Variants in ACSS1 observed in about 807,000 individuals in gnomAD.
The protein encoded by ACSS1 is acetyl-coenzyme A synthetase 2-like, mitochondrial.
A neutral mutation model predicts 75.3 loss-of-function variants in ACSS1; 42 were observed. The observed-to-expected ratio is 0.56, with a 90% confidence interval of 0.44 to 0.72. ACSS1 has a LOEUF of 0.72. Ranked by LOEUF, ACSS1 falls within the 30% of genes least tolerant of loss-of-function variation. The pLI, the probability that ACSS1 is intolerant of heterozygous loss-of-function variation, is 0.00. For synonymous variants in ACSS1, 380 were observed against 376.8 expected (o/e 1.01, Z -0.10); for missense variants, 782 against 935.7 (o/e 0.84, Z 2.14).
chr20:25,048,002 G>T, intron 2 of ACSS1, 83 bp downstream of exon 2: 1 of 1,249,086 alleles, frequency 8.0e-7, no homozygotes, highest in East Asian at 2.4e-5. Flanking sequence ...AGACTCAGAC[G>T]GCCCCTCCCT....
chr20:25,033,443 T>C (rs911054429), intron 2 of ACSS1, among the ~76,000 whole-genome samples: 4 of 152,158 alleles, frequency 2.6e-5, no homozygotes, highest in Admixed American at 2.6e-4. Flanking sequence ...TGTACAGCTG[T>C]CACAAGTATT....
intron 1 of ACSS1, among the ~76,000 whole-genome samples, chr20:25,051,662 G>A (rs2089176731): frequency 6.6e-6 from 1 of 152,202 alleles, no homozygotes. Context: ...TTTCTATGCA[G>A]ATGCAAGATT....
rs1212329188 is a variant in ACSS1, at chr20:25,012,661, C to A, written c.1711G>T (p.Asp571Tyr). ...GTAEIEDAIA[D>Y]HPAVPESAVI... ...GCACTTTCTGGTACTGCAGGGTGGT[C>A]GGCCTGTGTACAACAGAGAACAAAA... The change falls in exon 12 of 14, where the codon GAC (aspartate) becomes TAC (tyrosine). Residue 571 changes from aspartate to tyrosine, a missense_variant. This residue lies in a region of ACSS1 where 405 missense variants were observed against 552.6 expected (regional missense o/e 0.73). Coordinates refer to ENST00000323482, the MANE Select transcript of ACSS1 (RefSeq NM_032501.4). 2 of 1,614,068 alleles carry A rather than the reference C, an allele frequency of 1.2e-6. No homozygotes were observed. Among genetic ancestry groups the A allele is most frequent in the Non-Finnish European group, 1.7e-6 (2 of 1,180,024 alleles).
chr20:25,048,111 A>G lies in ACSS1; in HGVS notation c.405T>C (p.Pro135=), dbSNP rs1305054743. ...TGTAGGTGATCCTCACTTCCGTTCCAGGCTCATCGCGCTCCCAGATCAAAG... is the reference window on the plus strand; with the variant it reads ...TGTAGGTGATCCTCACTTCCGTTCCGGGCTCATCGCGCTCCCAGATCAAAG... The part of the protein sequence containing the change: ...SVALIWERDE[P]GTEVRITYRE... The change falls in exon 2 of 14, where the codon CCT becomes CCC. Residue 135 remains proline, a synonymous_variant. Transcript: ENST00000323482. 1 of 1,613,530 alleles carries G rather than the reference A, an allele frequency of 6.2e-7. No homozygotes were observed. Among genetic ancestry groups the G allele is most frequent in the East Asian group, 2.2e-5 (1 of 44,844 alleles).
At chr20:25,028,778 G>T (rs80268933) in intron 3 of ACSS1, among the ~76,000 whole-genome samples, 1 of 152,100 alleles carries the variant, frequency 6.6e-6, no homozygotes, top group South Asian at 2.1e-4. Context: ...AAATTAGCTC[G>T]ATGCAGTGGC....
At chr20:25,029,238 C>G (rs1281297990) in intron 3 of ACSS1, among the ~76,000 whole-genome samples, 1 of 152,076 alleles carries the variant, frequency 6.6e-6, no homozygotes, top group Non-Finnish European at 1.5e-5. Context: ...AGACTTTGTC[C>G]AGTGAAAACA....
At chr20:25,031,603 C>T (rs1033395839) in intron 2 of ACSS1, among the ~76,000 whole-genome samples, 2 of 152,172 alleles carry the variant, frequency 1.3e-5, no homozygotes, top group Non-Finnish European at 2.9e-5. Context: ...AGAGGCATTC[C>T]TCCTCTTGCT....
chr20:25,023,489 C>A lies in ACSS1; in HGVS notation c.784G>T (p.Asp262Tyr). The stretch of plus-strand genomic sequence containing the variant: ...ACCTGCTCCAGCGGGACGTCCAGAT[C>A]CCCCATGTGGACCTTGTTGTCTGTC... ...HRTDNKVHMGDLDVPLEQEMA... is the reference protein window; with the variant it reads ...HRTDNKVHMGYLDVPLEQEMA... Residue 262 changes from aspartate (D) to tyrosine (Y), a missense_variant, in exon 4 of 14, where the codon GAT (aspartate) becomes TAT (tyrosine). Physicochemically the swap from Asp to Tyr is radical, Grantham distance 160. This residue lies in a region of ACSS1 where 377 missense variants were observed against 383.1 expected (regional missense o/e 0.98). Coordinates refer to ENST00000323482, the MANE Select transcript of ACSS1 (RefSeq NM_032501.4). 6.2e-7 allele frequency: 1 copy of A among 1,614,106 alleles called. No individual in the cohort carries two copies. The highest frequency in any genetic ancestry group is 8.5e-7 in the Non-Finnish European group (1 of 1,180,024).
chr20:25,032,432 CT>C, intron 2 of ACSS1: 1 of 1,389,292 alleles, frequency 7.2e-7, no homozygotes, highest in Non-Finnish European at 9.4e-7. Context: ...CTTTCGGCGC[CT>C]CATCCCTCTG....
chr20:25,022,858 C>T (rs891729701), intron 5 of ACSS1, 82 bp downstream of exon 5: 3 of 1,470,918 alleles, frequency 2.0e-6, no homozygotes, highest in African/African-American at 1.4e-5. Context: ...CTACAGGCCT[C>T]GCTCTGCAGC....
At chr20:25,055,775 C>A (rs1043406555) in intron 1 of ACSS1, among the ~76,000 whole-genome samples, 13 of 152,226 alleles carry the variant, frequency 8.5e-5, no homozygotes, top group African/African-American at 3.1e-4. Context: ...TCCTTTGGAA[C>A]AAGCCATCTG....
chr20:25,019,282 C>A lies in ACSS1; in HGVS notation c.1246+728G>T, dbSNP rs184126872. ...CACCCAGTCCCTCCCAGCACCAGCC[C>A]GAAAGACAGACACTGCTGATACTGT... On this transcript the variant is annotated intron_variant, in intron 7 of 13. Transcript: ENST00000323482. Among the ~76,000 whole-genome samples, 7 of 152,336 alleles carry A rather than the reference C, an allele frequency of 4.6e-5. No individual in the cohort carries two copies. The East Asian group carries it at 1.4e-3, about 29-fold the overall frequency.
chr20:25,027,236 T>A (rs1270418854), intron 3 of ACSS1, among the ~76,000 whole-genome samples: 17 of 152,208 alleles, frequency 1.1e-4, no homozygotes. Context: ...TTAGCACCAA[T>A]CCTTCTCAAA....
chr20:25,050,996 C>G (rs560111108), intron 1 of ACSS1, among the ~76,000 whole-genome samples: 1 of 152,262 alleles, frequency 6.6e-6, no homozygotes, highest in East Asian at 1.9e-4. Flanking sequence ...CCAGGTGCCT[C>G]GCCACATGCA....
intron 2 of ACSS1, among the ~76,000 whole-genome samples, chr20:25,044,801 G>A (rs537586079): frequency 2.0e-5 from 3 of 152,336 alleles, no homozygotes; most frequent in Non-Finnish European, 2.9e-5. Context: ...CAGGGGAGAA[G>A]GGCTGCCTCA....
chr20:25,008,716 C>T (rs937197562), intron 13 of ACSS1, among the ~76,000 whole-genome samples: 1 of 152,208 alleles, frequency 6.6e-6, no homozygotes, highest in East Asian at 1.9e-4. Context: ...TTCACTGCCA[C>T]CAGGAAAAGT....
At chr20:25,020,879 CTG>C (rs1159363829) in intron 6 of ACSS1, among the ~76,000 whole-genome samples, 1 of 152,242 alleles carries the variant, frequency 6.6e-6, no homozygotes, top group Non-Finnish European at 1.5e-5. Flanking sequence ...TTTGAAGACA[CTG>C]TGCTGTGTGG....
At chr20:25,018,417 A>G (rs1488636903) in intron 7 of ACSS1, among the ~76,000 whole-genome samples, 1 of 152,206 alleles carries the variant, frequency 6.6e-6, no homozygotes, top group African/African-American at 2.4e-5. Context: ...ACTAAGATTC[A>G]CCATCTAGAA....
At chr20:25,038,879 C>A (rs889424761) in intron 2 of ACSS1, among the ~76,000 whole-genome samples, 1 of 152,312 alleles carries the variant, frequency 6.6e-6, no homozygotes, top group Middle Eastern at 3.4e-3. Context: ...TCACTGCCCC[C>A]CTGCTGGCTA....
Sources: gnomAD v4.1 joint callset for allele counts (sites outside exome capture counted in the v4.1 genomes callset) on GRCh38, gnomAD v4.1.1 for gene constraint, gnomAD v4.1.1 regional missense constraint, MANE v1.5 for transcripts, NCBI Gene and HGNC (gene_info 2026-07-23, HGNC 2026-07-21) for gene names.